The following LSAMP variants were observed in gnomAD, a reference collection of about 807,000 sequenced individuals.
The protein encoded by LSAMP is limbic system associated membrane protein.
LSAMP carries 7 observed loss-of-function variants against 38.6 expected under a neutral mutation model. That is an observed-to-expected ratio of 0.18 (90% CI 0.10 to 0.34). The LOEUF is 0.34. LSAMP is among the 10% of genes least tolerant of loss of function. The probability of loss-of-function intolerance (pLI) is 1.00; values close to 1 mark genes in which losing one functional copy is unlikely to be tolerated. For synonymous variants in LSAMP, 154 were observed against 166.8 expected (o/e 0.92, Z 0.59); for missense variants, 313 against 420.0 (o/e 0.75, Z 2.23).
At chr3:116,434,535 T>C (rs2049321770) in intron 1 of LSAMP, among the ~76,000 whole-genome samples, 1 of 152,044 alleles carries the variant, frequency 6.6e-6, no homozygotes, top group African/African-American at 2.4e-5. Context: ...AGCAAAGAGG[T>C]AACTAGTAAA....
At chr3:116,410,740 T>C (rs1294277143) in intron 1 of LSAMP, among the ~76,000 whole-genome samples, 2 of 152,110 alleles carry the variant, frequency 1.3e-5, no homozygotes, top group Non-Finnish European at 2.9e-5. Context: ...CTCCTCTTCA[T>C]TCCTTGCCCA....
intron 1 of LSAMP, among the ~76,000 whole-genome samples, chr3:116,374,279 T>A (rs1037652598): frequency 2.0e-5 from 3 of 151,954 alleles, no homozygotes; most frequent in Non-Finnish European, 4.4e-5. Context: ...TCAGTTGTAA[T>A]ACAAGAAGAA....
intron 1 of LSAMP, among the ~76,000 whole-genome samples, chr3:116,116,062 A>G (rs1032960831): frequency 1.4e-5 from 2 of 138,004 alleles, no homozygotes; most frequent in Non-Finnish European, 3.1e-5. Flanking sequence ...TATTAATTGG[A>G]TGGTAGACCT....
intron 1 of LSAMP, among the ~76,000 whole-genome samples, chr3:116,354,746 C>A (rs980356873): frequency 1.3e-5 from 2 of 152,012 alleles, no homozygotes; most frequent in African/African-American, 4.8e-5. Context: ...ACTGGGGTAT[C>A]ATCAATGGTT....
At chr3:116,275,457 G>T (rs1394112385) in intron 1 of LSAMP, among the ~76,000 whole-genome samples, 4 of 152,100 alleles carry the variant, frequency 2.6e-5, no homozygotes, top group African/African-American at 9.7e-5. Flanking sequence ...ATCCAATTTT[G>T]TGAGTGTGTG....
chr3:116,350,639 A>C (rs1319598935), intron 1 of LSAMP, among the ~76,000 whole-genome samples: 2 of 142,978 alleles, frequency 1.4e-5, no homozygotes, highest in Admixed American at 1.4e-4. Flanking sequence ...TTTTTTTTTT[A>C]CTTAATAATG....
At chr3:116,264,735 G>T (rs1389763477) in intron 1 of LSAMP, among the ~76,000 whole-genome samples, 1 of 152,124 alleles carries the variant, frequency 6.6e-6, no homozygotes, top group Non-Finnish European at 1.5e-5. Context: ...ACCAGTAGCT[G>T]GGACTAATGG....
chr3:115,945,893 C>T (rs148065311), intron 3 of LSAMP, among the ~76,000 whole-genome samples: 1 of 152,062 alleles, frequency 6.6e-6, no homozygotes, highest in Non-Finnish European at 1.5e-5. Flanking sequence ...TCAGTTAAAT[C>T]CTTTGTTAAG....
chr3:116,331,104 T>C (rs1190208769), intron 1 of LSAMP, among the ~76,000 whole-genome samples: 1 of 151,984 alleles, frequency 6.6e-6, no homozygotes, highest in Admixed American at 6.6e-5. Context: ...AAAATTTCAA[T>C]AACTGAAAAA....
chr3:116,442,914 C>T (rs2049457019), intron 1 of LSAMP, among the ~76,000 whole-genome samples: 1 of 152,206 alleles, frequency 6.6e-6, no homozygotes, highest in Non-Finnish European at 1.5e-5. Flanking sequence ...GAGACTGCCT[C>T]TGTATGAAAG....
intron 1 of LSAMP, among the ~76,000 whole-genome samples, chr3:116,210,050 G>A (rs772889362): frequency 3.9e-5 from 6 of 152,050 alleles, no homozygotes; most frequent in South Asian, 2.1e-4. Flanking sequence ...CACTGAGCCC[G>A]GCCGAGATTT....
At chr3:116,003,577 C>G (rs1940063404) in intron 3 of LSAMP, among the ~76,000 whole-genome samples, 1 of 152,098 alleles carries the variant, frequency 6.6e-6, no homozygotes, top group South Asian at 2.1e-4. Flanking sequence ...GTGAATGTGA[C>G]CTTATTTGGA....
intron 1 of LSAMP, 39 bp downstream of exon 1, chr3:116,444,838 G>C: frequency 6.2e-7 from 1 of 1,612,254 alleles, no homozygotes; most frequent in Non-Finnish European, 8.5e-7. Context: ...ACACACACGT[G>C]TAGACGCGCG....
At chr3:116,214,907 T>G (rs572248470) in intron 1 of LSAMP, among the ~76,000 whole-genome samples, 68 of 152,172 alleles carry the variant, frequency 4.5e-4, no homozygotes, top group Non-Finnish European at 7.5e-4. Flanking sequence ...AATAATAAAT[T>G]TCAATGAACT....
At chr3:116,443,971 C>T (rs1477578031) in intron 1 of LSAMP, among the ~76,000 whole-genome samples, 2 of 152,138 alleles carry the variant, frequency 1.3e-5, no homozygotes, top group Admixed American at 6.5e-5. Flanking sequence ...GTCTCTCTAG[C>T]TCACAGTACC....
intron 4 of LSAMP, among the ~76,000 whole-genome samples, chr3:115,846,578 T>C (rs1458629031): frequency 2.0e-5 from 3 of 152,292 alleles, no homozygotes; most frequent in Middle Eastern, 3.4e-3. Context: ...CCCCATTTTA[T>C]GAAAGAGAAG....
chr3:116,242,307 A>AT (rs2046547766), intron 1 of LSAMP, among the ~76,000 whole-genome samples: 1 of 152,244 alleles, frequency 6.6e-6, no homozygotes, highest in Non-Finnish European at 1.5e-5. Flanking sequence ...TCAGCTTATT[A>AT]AAAAGAAACA....
intron 1 of LSAMP, among the ~76,000 whole-genome samples, chr3:116,188,987 G>T (rs1329042606): frequency 6.6e-6 from 1 of 152,122 alleles, no homozygotes; most frequent in Non-Finnish European, 1.5e-5. Context: ...AATTACTTCT[G>T]AGCAACTACT....
At chr3:115,861,056 TCCCTCCCTCCCTCTCTCCCTCTTTCCTC>T (rs1374994489) in intron 3 of LSAMP, among the ~76,000 whole-genome samples, 3 of 40,204 alleles carry the variant, frequency 7.5e-5, no homozygotes, top group Non-Finnish European at 1.4e-4. Context: ...CCTCCTCCCC[TCCCTCCCTCCCTCTCTCCCTCTTTCCTC>T]CCCTCCCTCT....
Sources: allele counts gnomAD v4.1 joint callset (sites outside exome capture counted in the v4.1 genomes callset), GRCh38; gene constraint gnomAD v4.1.1; transcripts MANE v1.5; gene names NCBI Gene and HGNC (gene_info 2026-07-23, HGNC 2026-07-21).